Variants in DTNB observed in about 807,000 individuals in gnomAD.
DTNB encodes the protein dystrobrevin beta.
A neutral mutation model predicts 90.7 loss-of-function variants in DTNB; 63 were observed. The observed-to-expected ratio is 0.69, with a 90% CI of 0.57 to 0.86. DTNB has a LOEUF of 0.86. DTNB is among the 40% of genes least tolerant of loss of function. The pLI is 0.00. For synonymous variants in DTNB, 277 were observed against 286.7 expected, an observed-to-expected ratio of 0.97 and a Z score of 0.34; for missense variants, 744 against 807.1, an observed-to-expected ratio of 0.92 and a Z score of 0.95.
At chr2:25,481,623 T>A (rs2064985384) in intron 10 of DTNB, 1 of 152,244 alleles carries the variant, frequency 6.6e-6, no homozygotes. Context: ...TGAGTCTCCA[T>A]GCGGGTAATG....
At position 25,395,522 on chromosome 2, in the gene DTNB, A is replaced by G. The variant is rs564803503; in HGVS notation, c.1576-7161T>C. Reference sequence around the variant, plus strand: ...TATACATGTATATTTATGTACATAAATATATAAATCACAATATATACATAA... The same window carrying G: ...TATACATGTATATTTATGTACATAAGTATATAAATCACAATATATACATAA... On this transcript the variant is annotated intron_variant, in intron 16 of 20. Transcript: ENST00000406818. Among the ~76,000 whole-genome samples, 5 of 149,862 alleles carry G rather than the reference A, an allele frequency of 3.3e-5. No homozygotes were observed. The East Asian group carries it at 7.8e-4, about 23-fold the overall frequency.
intron 4 of DTNB, among the ~76,000 whole-genome samples, chr2:25,611,657 G>A (rs568008076): frequency 1.1e-4 from 17 of 152,190 alleles, no homozygotes; most frequent in Middle Eastern, 6.8e-3. Context: ...GAAGAAGTCC[G>A]TCCTTAGGAT....
chr2:25,648,472 G>T (rs1053579251), intron 2 of DTNB, among the ~76,000 whole-genome samples: 4 of 151,976 alleles, frequency 2.6e-5, no homozygotes, highest in African/African-American at 9.7e-5. Context: ...ACACAAGGTT[G>T]AAAAATACAA....
chr2:25,456,116 T>C (rs2059991914), intron 10 of DTNB, among the ~76,000 whole-genome samples: 1 of 152,236 alleles, frequency 6.6e-6, no homozygotes, highest in South Asian at 2.1e-4. Flanking sequence ...GAAAGGTCCT[T>C]AAGCACATGG....
At chr2:25,555,633 T>G (rs2057205392) in intron 8 of DTNB, among the ~76,000 whole-genome samples, 1 of 152,316 alleles carries the variant, frequency 6.6e-6, no homozygotes, top group East Asian at 1.9e-4. Flanking sequence ...GATCATTATA[T>G]ATACTGCTAT....
intron 9 of DTNB, among the ~76,000 whole-genome samples, chr2:25,493,707 T>C (rs2068103644): frequency 6.6e-6 from 1 of 152,226 alleles, no homozygotes. Context: ...GGCCATAGTA[T>C]GCAAACAAAC....
At chr2:25,655,220 T>G (rs1455425891) in intron 1 of DTNB, among the ~76,000 whole-genome samples, 1 of 152,224 alleles carries the variant, frequency 6.6e-6, no homozygotes, top group Admixed American at 6.5e-5. Flanking sequence ...CTTCTGAACC[T>G]TCTAGGCCAG....
chr2:25,456,250 C>T (rs546594470), intron 10 of DTNB, among the ~76,000 whole-genome samples: 3 of 152,290 alleles, frequency 2.0e-5, no homozygotes, highest in East Asian at 1.9e-4. Flanking sequence ...GTTATCTAAT[C>T]GAATTTTCAT....
chr2:25,515,197 G>A (rs553879157), intron 9 of DTNB, among the ~76,000 whole-genome samples: 132 of 152,180 alleles, frequency 8.7e-4, no homozygotes, highest in Middle Eastern at 3.4e-3. Flanking sequence ...CAAGGGAGAA[G>A]AAAGGTAGAG....
chr2:25,480,199 AG>A (rs2064641936), intron 10 of DTNB, among the ~76,000 whole-genome samples: 1 of 152,132 alleles, frequency 6.6e-6, no homozygotes. Flanking sequence ...GTAGGGTAGG[AG>A]CATTTTGTTC....
intron 4 of DTNB, among the ~76,000 whole-genome samples, chr2:25,611,619 A>T (rs1354319672): frequency 3.3e-5 from 5 of 152,136 alleles, no homozygotes; most frequent in Non-Finnish European, 7.4e-5. Flanking sequence ...CTAGAGGGAA[A>T]AGCACAGCAC....
intron 3 of DTNB, among the ~76,000 whole-genome samples, chr2:25,634,253 G>A (rs1190464168): frequency 8.6e-6 from 1 of 116,836 alleles, no homozygotes; most frequent in African/African-American, 3.0e-5. Context: ...TCAGCCCCCC[G>A]CCCGGCCAGC....
intron 9 of DTNB, among the ~76,000 whole-genome samples, chr2:25,496,871 G>GCTGC (rs1286996419): frequency 6.6e-6 from 1 of 151,854 alleles, no homozygotes; most frequent in Non-Finnish European, 1.5e-5. Context: ...ATAATAGTGG[G>GCTGC]CTGCCCATTT....
rs192308788 is a variant in DTNB at position 25,534,826 on chromosome 2, G to A, written c.877-3229C>T. On this transcript the variant is annotated intron_variant, in intron 8 of 20. Coordinates refer to ENST00000406818, the MANE Select transcript of DTNB (RefSeq NM_021907.5). Reference sequence around the variant, plus strand: ...CCCACCTCCCAGACGAAGAGCGGCCGGGCAGAGGTGCCCTCCACTTCCCAG... The same window carrying A: ...CCCACCTCCCAGACGAAGAGCGGCCAGGCAGAGGTGCCCTCCACTTCCCAG... Among the ~76,000 whole-genome samples, 519 of 143,804 alleles carry A rather than the reference G, an allele frequency of 3.6e-3. 10 individuals carry two copies. The highest frequency in any genetic ancestry group is 0.013 in the African/African-American group (480 of 38,198). The allele number at this position is 143,804 out of a possible 152,430, so 94.3% of individuals were successfully genotyped here. A position where few individuals can be genotyped will look rare whatever the true frequency, so the allele number is the denominator to read the frequency against.
At chr2:25,476,273 T>C (rs1027122654) in intron 10 of DTNB, among the ~76,000 whole-genome samples, 1 of 152,146 alleles carries the variant, frequency 6.6e-6, no homozygotes, top group African/African-American at 2.4e-5. Context: ...TTCACCATGT[T>C]GGCCAGGCTG....
At chr2:25,544,995 A>C (rs1480543136) in intron 8 of DTNB, among the ~76,000 whole-genome samples, 1 of 152,180 alleles carries the variant, frequency 6.6e-6, no homozygotes, top group African/African-American at 2.4e-5. Flanking sequence ...CTGGGTAGAG[A>C]AATCTGGATT....
intron 16 of DTNB, among the ~76,000 whole-genome samples, chr2:25,417,347 C>T (rs1035406994): frequency 1.3e-5 from 2 of 152,168 alleles, no homozygotes; most frequent in African/African-American, 4.8e-5. Flanking sequence ...GAAATGGACA[C>T]GTTATTTAAT....
At chr2:25,628,072 G>A in intron 4 of DTNB, 99 bp downstream of exon 4, 1 of 1,288,042 alleles carries the variant, frequency 7.8e-7, no homozygotes, top group African/African-American at 1.5e-5. Context: ...TAAGTTGCCA[G>A]CTTAGCAAGG....
rs1389390845 is a variant in DTNB at position 25,576,848 on chromosome 2, T to C, written c.866A>G (p.His289Arg). 1 of 1,612,224 alleles carries C rather than the reference T, an allele frequency of 6.2e-7. No homozygotes were observed. The highest frequency in any genetic ancestry group is 2.2e-5 in the East Asian group (1 of 44,852). Reference protein sequence around the residue: ...PHSNQHQMKEHSSWKSPAKKL... With the variant: ...PHSNQHQMKERSSWKSPAKKL... Reference sequence around the variant, plus strand: ...ACACAAAGCAGTTACCCAAGAGGAATGCTCCTTCATCTGGTGCTGGTTGCT... The same window carrying C: ...ACACAAAGCAGTTACCCAAGAGGAACGCTCCTTCATCTGGTGCTGGTTGCT... The change falls in exon 8 of 21, where the codon CAT (histidine) becomes CGT (arginine). Residue 289 changes from histidine to arginine, a missense_variant. Coordinates refer to ENST00000406818, the MANE Select transcript of DTNB (RefSeq NM_021907.5).
Sources: allele counts gnomAD v4.1 joint callset (sites outside exome capture counted in the v4.1 genomes callset), GRCh38; gene constraint gnomAD v4.1.1; transcripts MANE v1.5; gene names NCBI Gene and HGNC (gene_info 2026-07-23, HGNC 2026-07-21).